TXNRD2: variants seen among roughly 807,000 people sequenced by gnomAD.
TXNRD2 encodes thioredoxin reductase 2, mitochondrial.
Under a neutral mutation model 70.8 loss-of-function variants are expected in TXNRD2, and 67 were observed. The observed-to-expected ratio is 0.95, with a 90% CI of 0.78 to 1.16. TXNRD2 has a LOEUF of 1.16. Among genes scored for constraint, TXNRD2 ranks in the 50% most tolerant of loss-of-function variants. TXNRD2 has a pLI of 0.00. For synonymous variants in TXNRD2, 301 were observed against 295.8 expected, an observed-to-expected ratio of 1.02 and a Z score of -0.18; for missense variants, 644 against 719.9, an observed-to-expected ratio of 0.89 and a Z score of 1.21.
At chr22:19,905,824 A>C (rs1253084231) in intron 8 of TXNRD2, among the ~76,000 whole-genome samples, 1 of 151,704 alleles carries the variant, frequency 6.6e-6, no homozygotes, top group Non-Finnish European at 1.5e-5. Context: ...CGGGCAACCC[A>C]TCTCCACCAC....
intron 1 of TXNRD2, among the ~76,000 whole-genome samples, chr22:19,935,456 A>G (rs1941506245): frequency 6.6e-6 from 1 of 152,206 alleles, no homozygotes; most frequent in Non-Finnish European, 1.5e-5. Flanking sequence ...ATAGACCCTT[A>G]TCAGGAGTTC....
intron 8 of TXNRD2, among the ~76,000 whole-genome samples, chr22:19,905,142 C>T (rs935325628): frequency 3.9e-5 from 6 of 152,126 alleles, no homozygotes; most frequent in Admixed American, 2.0e-4. Flanking sequence ...ATTAACAGCG[C>T]CGGACAAAAG....
intron 1 of TXNRD2, chr22:19,933,449 C>G (rs1189325919): frequency 7.8e-7 from 1 of 1,289,742 alleles, no homozygotes; most frequent in South Asian, 1.2e-5. Context: ...ATGGCAGGTG[C>G]CTGTCCTTCT....
chr22:19,937,704 T>G (rs1230202473), intron 1 of TXNRD2, among the ~76,000 whole-genome samples: 1 of 152,182 alleles, frequency 6.6e-6, no homozygotes, highest in Non-Finnish European at 1.5e-5. Flanking sequence ...CCAAAAAAAC[T>G]ACACTGTTAA....
At chr22:19,928,849 T>G (rs1181468340) in intron 2 of TXNRD2, among the ~76,000 whole-genome samples, 1 of 146,618 alleles carries the variant, frequency 6.8e-6, no homozygotes, top group Non-Finnish European at 1.5e-5. Flanking sequence ...TCTACTAAAA[T>G]ACAAAAATTA....
At chr22:19,938,437 T>G (rs919542428) in intron 1 of TXNRD2, among the ~76,000 whole-genome samples, 1 of 150,020 alleles carries the variant, frequency 6.7e-6, no homozygotes, top group African/African-American at 2.4e-5. Flanking sequence ...AACAATGGCC[T>G]ACCTGCACCA....
intron 15 of TXNRD2, 65 bp from the exon 16 acceptor site, chr22:19,878,252 C>T (rs1938599726): frequency 6.3e-7 from 1 of 1,595,870 alleles, no homozygotes; most frequent in Non-Finnish European, 8.6e-7. Flanking sequence ...CCTGCATCCA[C>T]CCTGCACCCT....
chr22:19,905,814 C>A (rs1010795472), intron 8 of TXNRD2, among the ~76,000 whole-genome samples: 1 of 151,584 alleles, frequency 6.6e-6, no homozygotes, highest in Admixed American at 6.6e-5. Flanking sequence ...CACTGGGGCC[C>A]GGGCAACCCA....
intron 4 of TXNRD2, 44 bp downstream of exon 4, chr22:19,918,816 G>C (rs973303265): frequency 6.3e-7 from 1 of 1,599,648 alleles, no homozygotes; most frequent in Non-Finnish European, 8.5e-7. Context: ...TTCCACCCAA[G>C]AGTAGAAGAA....
chr22:19,923,422 GC>G (rs1940991426), intron 2 of TXNRD2, among the ~76,000 whole-genome samples: 1 of 152,100 alleles, frequency 6.6e-6, no homozygotes, highest in Admixed American at 6.6e-5. Context: ...AAAATGGGCA[GC>G]TCTCGACCTG....
chr22:19,909,072 GGC>G (rs754849703), intron 8 of TXNRD2, among the ~76,000 whole-genome samples: 2 of 152,060 alleles, frequency 1.3e-5, no homozygotes, highest in East Asian at 1.9e-4. Context: ...GGGGTGTGGT[GGC>G]AGACACCTGT....
intron 4 of TXNRD2, 79 bp downstream of exon 4, chr22:19,918,781 A>G (rs1267776970): frequency 1.9e-6 from 3 of 1,565,890 alleles, no homozygotes; most frequent in Non-Finnish European, 1.7e-6. Context: ...ATGAGGGCTC[A>G]TCGAGGATAA....
intron 10 of TXNRD2, 145 bp from the exon 11 acceptor site, chr22:19,895,726 C>T (rs1206510043): frequency 2.4e-5 from 21 of 893,152 alleles, no homozygotes; most frequent in South Asian, 6.0e-5. Context: ...CCCTGCTCTA[C>T]GTCCTCTTGC....
rs550721380 is a variant in TXNRD2, at chr22:19,930,075, G to T, written c.172+955C>A. ...GTGGCTGCCTGCGCCATCGTTTCTGGGAGTGGTTCTGAGAGTACAGTGTGG... is the reference window on the plus strand; with the variant it reads ...GTGGCTGCCTGCGCCATCGTTTCTGTGAGTGGTTCTGAGAGTACAGTGTGG... On this transcript the variant is annotated intron_variant, in intron 2 of 17. Coordinates refer to ENST00000400521, the MANE Select transcript of TXNRD2 (RefSeq NM_006440.5). Among the ~76,000 whole-genome samples, 11 of 152,300 alleles carry T rather than the reference G, an allele frequency of 7.2e-5. No individual in the cohort carries two copies. The East Asian group carries it at 7.7e-4, about 11-fold the overall frequency.
intron 11 of TXNRD2, 174 bp downstream of exon 11, chr22:19,895,233 G>A (rs1482770788): frequency 8.8e-6 from 14 of 1,595,500 alleles, no homozygotes; most frequent in Non-Finnish European, 1.2e-5. Context: ...AGCCTAGTGT[G>A]AGTGCCGCCC....
At chr22:19,887,739 G>A (rs1410029142) in intron 11 of TXNRD2, 2 of 152,354 alleles carry the variant, frequency 1.3e-5, no homozygotes, top group Non-Finnish European at 2.9e-5. Flanking sequence ...AGCCAACAGA[G>A]CTGTGGTCAA....
intron 12 of TXNRD2, among the ~76,000 whole-genome samples, chr22:19,881,869 T>G (rs1191039275): frequency 1.3e-5 from 2 of 152,232 alleles, no homozygotes; most frequent in East Asian, 3.8e-4. Context: ...CTGAGGCACA[T>G]GGAGCCACAT....
intron 8 of TXNRD2, among the ~76,000 whole-genome samples, chr22:19,910,105 C>G (rs772431985): frequency 1.2e-4 from 18 of 152,234 alleles, no homozygotes; most frequent in Non-Finnish European, 1.8e-4. Flanking sequence ...ATTGACCAAG[C>G]CTCTGCCGCC....
intron 8 of TXNRD2, among the ~76,000 whole-genome samples, chr22:19,904,122 G>A (rs766003999): frequency 7.9e-5 from 12 of 152,098 alleles, no homozygotes; most frequent in African/African-American, 2.4e-4. Flanking sequence ...ACAGTCCCTT[G>A]CGCCAGGGCG....
Sources: allele counts gnomAD v4.1 joint callset (sites outside exome capture counted in the v4.1 genomes callset), GRCh38; gene constraint gnomAD v4.1.1; transcripts MANE v1.5; gene names NCBI Gene and HGNC (gene_info 2026-07-23, HGNC 2026-07-21).